Variants in ARRB1 observed in about 807,000 individuals in gnomAD.
ARRB1 encodes beta-arrestin-1.
A neutral mutation model predicts 56.8 loss-of-function variants in ARRB1; 21 were observed. The ratio of observed to expected loss-of-function variants is 0.37; its 90% CI spans 0.26 to 0.53. The LOEUF is 0.53. Ranked by LOEUF, ARRB1 falls within the 20% of genes least tolerant of loss-of-function variation. The pLI is 0.88. For missense variants in ARRB1, 424 were observed against 553.7 expected, an observed-to-expected ratio of 0.77 and a Z score of 2.35; for synonymous variants, 210 against 218.6, an observed-to-expected ratio of 0.96 and a Z score of 0.35.
chr11:75,279,558 TCTTA>T (rs1226706590), intron 7 of ARRB1, among the ~76,000 whole-genome samples: 2 of 152,220 alleles, frequency 1.3e-5, no homozygotes, highest in African/African-American at 2.4e-5. Flanking sequence ...CCAGCTCTCC[TCTTA>T]CTAACTATGT....
intron 1 of ARRB1, among the ~76,000 whole-genome samples, chr11:75,345,536 C>T (rs148509849): frequency 0.015 from 2,329 of 152,252 alleles, 32 homozygotes; most frequent in Non-Finnish European, 0.024. Context: ...GACAAGGCCC[C>T]AACCTCAGGA....
At chr11:75,340,316 G>C (rs1947675334) in intron 1 of ARRB1, among the ~76,000 whole-genome samples, 1 of 152,216 alleles carries the variant, frequency 6.6e-6, no homozygotes, top group African/African-American at 2.4e-5. Flanking sequence ...CCTGCACTGA[G>C]GAAGCATACA....
intron 3 of ARRB1, 103 bp downstream of exon 3, chr11:75,287,212 C>T (rs1407676278): frequency 8.1e-7 from 1 of 1,234,822 alleles, no homozygotes; most frequent in African/African-American, 1.5e-5. Context: ...CCATTCACCC[C>T]CGTTCTTGGC....
chr11:75,320,584 G>A (rs576577281), intron 1 of ARRB1, among the ~76,000 whole-genome samples: 2 of 152,196 alleles, frequency 1.3e-5, no homozygotes, highest in Non-Finnish European at 2.9e-5. Context: ...TCCCGCAAGG[G>A]CTGAAGGCTC....
In ARRB1 at chr11:75,276,849, C is replaced by G; in HGVS notation, c.766G>C (p.Glu256Gln). The change falls in exon 10 of 16, where the codon GAA becomes CAA. Residue 256 changes from glutamate to glutamine, a missense_variant. Glu to Gln is a conservative substitution (Grantham distance 29). Coordinates refer to ENST00000420843, the MANE Select transcript of ARRB1 (RefSeq NM_004041.5). ...TAQYKCPVAMEEADDTVAPSS... is the reference protein window; with the variant it reads ...TAQYKCPVAMQEADDTVAPSS... ...CTTGTGCCCACTTACTCAGCCTCTTCCATGGCAACAGGGCACTTGTACTGA... is the reference window on the plus strand; with the variant it reads ...CTTGTGCCCACTTACTCAGCCTCTTGCATGGCAACAGGGCACTTGTACTGA... 1 of 1,614,124 alleles carries G rather than the reference C, an allele frequency of 6.2e-7. No individual in the cohort carries two copies. Among genetic ancestry groups the G allele is most frequent in the South Asian group, 1.1e-5 (1 of 91,088 alleles).
chr11:75,320,325 A>T (rs1371534337), intron 1 of ARRB1, among the ~76,000 whole-genome samples: 1 of 152,176 alleles, frequency 6.6e-6, no homozygotes, highest in African/African-American at 2.4e-5. Context: ...AGCAAGCAGG[A>T]GGAAAGGAGG....
chr11:75,265,309 A>C lies in ARRB1; in HGVS notation c.*854T>G, dbSNP rs991291846. 4 of 152,224 alleles carry C rather than the reference A, an allele frequency of 2.6e-5. No homozygotes were observed. Among genetic ancestry groups the C allele is most frequent in the African/African-American group, 9.7e-5 (4 of 41,398 alleles). 9.4% of individuals were successfully genotyped at this position (152,224 alleles called of 1,614,324 possible). ...CCATCTCTGAGCGCCCCCCTTCGGG[A>C]ACCCTCCTCAGGAGCTTCAGCTCAC... On this transcript the variant is annotated 3_prime_UTR_variant, in exon 16 of 16. Coordinates refer to ENST00000420843, the MANE Select transcript of ARRB1 (RefSeq NM_004041.5).
At chr11:75,342,208 C>T (rs1189411146) in intron 1 of ARRB1, among the ~76,000 whole-genome samples, 1 of 152,180 alleles carries the variant, frequency 6.6e-6, no homozygotes. Flanking sequence ...CATCTGCCCA[C>T]TTCTCTCCCT....
intron 10 of ARRB1, chr11:75,274,517 T>C (rs113794023): frequency 2.6e-4 from 69 of 260,748 alleles, no homozygotes; most frequent in African/African-American, 6.3e-4. Flanking sequence ...GCCAGCCGGG[T>C]GCAGTGGCTC....
At chr11:75,281,404 G>T (rs1210092635) in intron 6 of ARRB1, among the ~76,000 whole-genome samples, 1 of 152,146 alleles carries the variant, frequency 6.6e-6, no homozygotes, top group Non-Finnish European at 1.5e-5. Flanking sequence ...AGTCTGGGTG[G>T]CCGTCCTCAT....
At chr11:75,285,025 T>C (rs144761269) in intron 3 of ARRB1, among the ~76,000 whole-genome samples, 1 of 152,328 alleles carries the variant, frequency 6.6e-6, no homozygotes, top group East Asian at 1.9e-4. Context: ...AAAACACAAA[T>C]ATTCTCACCA....
In ARRB1 at chr11:75,351,578, C is replaced by T; in HGVS notation, c.20+10G>A. ...ACGCGCCCCCCGCCGGGCGGCCGCC[C>T]TGCACTCACCGGGTCCCTTTGTCGC... On this transcript the variant is annotated intron_variant, in intron 1 of 15. Coordinates refer to ENST00000420843, the MANE Select transcript of ARRB1 (RefSeq NM_004041.5). The T allele has an allele frequency of 6.7e-7, 1 of 1,488,074 alleles. No homozygotes were observed. Among genetic ancestry groups the T allele is most frequent in the Non-Finnish European group, 8.9e-7 (1 of 1,125,240 alleles). 92.2% of individuals were successfully genotyped at this position (1,488,074 alleles called of 1,614,324 possible). A position where few individuals can be genotyped will look rare whatever the true frequency, so the allele number is the denominator to read the frequency against.
chr11:75,347,419 AGAG>A (rs1315830871), intron 1 of ARRB1, among the ~76,000 whole-genome samples: 1 of 152,112 alleles, frequency 6.6e-6, no homozygotes, highest in Non-Finnish European at 1.5e-5. Context: ...CTCTGAAAAA[AGAG>A]GAGTTCATCT....
intron 13 of ARRB1, chr11:75,269,264 C>T (rs971529758): frequency 8.5e-6 from 5 of 591,448 alleles, no homozygotes; most frequent in African/African-American, 1.8e-5. Flanking sequence ...CAGCATGCAC[C>T]GTGGTCACTG....
intron 1 of ARRB1, among the ~76,000 whole-genome samples, chr11:75,343,596 G>A (rs1746650776): frequency 6.6e-6 from 1 of 152,298 alleles, no homozygotes; most frequent in Non-Finnish European, 1.5e-5. Flanking sequence ...GGGAGCCACA[G>A]CAGAGAAAGG....
chr11:75,305,025 T>C (rs1946994503), intron 1 of ARRB1, among the ~76,000 whole-genome samples: 1 of 138,298 alleles, frequency 7.2e-6, no homozygotes, highest in African/African-American at 2.6e-5. Context: ...TTTCTTTTTT[T>C]TTTTTTTTTT....
At chr11:75,301,639 G>T (rs947767153) in intron 1 of ARRB1, among the ~76,000 whole-genome samples, 2 of 152,174 alleles carry the variant, frequency 1.3e-5, no homozygotes, top group African/African-American at 4.8e-5. Context: ...TCACTCAGAC[G>T]CAGCCACCCT....
intron 4 of ARRB1, among the ~76,000 whole-genome samples, chr11:75,283,958 C>T (rs1946416113): frequency 6.6e-6 from 1 of 152,072 alleles, no homozygotes; most frequent in Non-Finnish European, 1.5e-5. Context: ...ATGTTCTGTT[C>T]TGTTAAAGAA....
chr11:75,337,270 G>A (rs1490050851), intron 1 of ARRB1, among the ~76,000 whole-genome samples: 1 of 152,138 alleles, frequency 6.6e-6, no homozygotes, highest in African/African-American at 2.4e-5. Context: ...GAGCAACACA[G>A]TGAGACCCCA....
Sources: gnomAD v4.1 joint callset for allele counts (sites outside exome capture counted in the v4.1 genomes callset) on GRCh38, gnomAD v4.1.1 for gene constraint, MANE v1.5 for transcripts, NCBI Gene and HGNC (gene_info 2026-07-23, HGNC 2026-07-21) for gene names.